The following JPH3 variants were observed in gnomAD, a reference collection of about 807,000 sequenced individuals.
JPH3 encodes the protein junctophilin 3, also known as junctophilin-3.
A neutral mutation model predicts 59.6 loss-of-function variants in JPH3; 11 were observed. The ratio of observed to expected loss-of-function variants is 0.18; its 90% CI spans 0.12 to 0.31. The LOEUF (loss-of-function observed/expected upper bound fraction) is 0.31. Among genes scored for constraint, JPH3 ranks in the 10% least tolerant of loss-of-function variants. JPH3 has a pLI of 1.00. For synonymous variants in JPH3, 673 were observed against 483.6 expected (o/e 1.39, Z -5.14); for missense variants, 1,202 against 1,105.7 (o/e 1.09, Z -1.24).
At chr16:87,687,211 AGTC>A (rs894471195) in intron 3 of JPH3, among the ~76,000 whole-genome samples, 5 of 152,300 alleles carry the variant, frequency 3.3e-5, no homozygotes, top group African/African-American at 9.6e-5. Flanking sequence ...GTCCTTCCTC[AGTC>A]GTCCTCACAG....
At chr16:87,609,999 C>G (rs2562060) in intron 1 of JPH3, among the ~76,000 whole-genome samples, 2 of 151,986 alleles carry the variant, frequency 1.3e-5, no homozygotes, top group Non-Finnish European at 2.9e-5. Flanking sequence ...TACAACTAGA[C>G]GGTCTCATCT....
rs1275140147 is a variant in JPH3, at chr16:87,675,724, G to C, written c.1161-8418G>C. Among the ~76,000 whole-genome samples, 8 of 152,300 alleles carry C rather than the reference G, an allele frequency of 5.3e-5. No individual in the cohort carries two copies. In the East Asian group the frequency reaches 1.5e-3, roughly 29 times the overall value. On this transcript the variant is annotated intron_variant, in intron 2 of 4. Coordinates refer to ENST00000284262, the MANE Select transcript of JPH3 (RefSeq NM_020655.4). ...GACTCCACAGTGAAGGTTTAAAGGT[G>C]GTCCCAGCTGCAGCAGGAAGCAGGT...
chr16:87,668,603 A>C, intron 2 of JPH3, among the ~76,000 whole-genome samples: 1 of 152,196 alleles, frequency 6.6e-6, no homozygotes, highest in Admixed American at 6.5e-5. Flanking sequence ...TGGGAATTAA[A>C]TGAGCTGAGC....
Position 87,615,666 on chromosome 16 carries a change from C to T in JPH3, c.382+12138C>T, listed in dbSNP as rs183876292. ...CTGTGCGCATCTGGGTCGCCTGACC[C>T]GGCCTCCCTGACCCGGGCTGCCCAG... On this transcript the variant is annotated intron_variant, in intron 1 of 4. Transcript: ENST00000284262. Among the ~76,000 whole-genome samples the T allele has an allele frequency of 4.7e-3, 715 of 152,322 alleles. 4 individuals are homozygous for T. The highest frequency in any genetic ancestry group is 7.7e-3 in the Non-Finnish European group (524 of 68,028).
chr16:87,675,504 G>C (rs987079233), intron 2 of JPH3, among the ~76,000 whole-genome samples: 1 of 152,202 alleles, frequency 6.6e-6, no homozygotes, highest in African/African-American at 2.4e-5. Context: ...GCGGGCAGAT[G>C]AGCCCAGCAG....
At chr16:87,637,534 G>A (rs574337722) in intron 1 of JPH3, among the ~76,000 whole-genome samples, 1 of 152,142 alleles carries the variant, frequency 6.6e-6, no homozygotes, top group Non-Finnish European at 1.5e-5. Context: ...TCTGACCCCC[G>A]GAGTCATGGG....
chr16:87,684,751 C>T (rs565123242), intron 3 of JPH3, among the ~76,000 whole-genome samples: 43 of 152,354 alleles, frequency 2.8e-4, no homozygotes, highest in African/African-American at 1.0e-3. Flanking sequence ...GACAGCGTCA[C>T]AAATGGCAGC....
intron 1 of JPH3, chr16:87,604,721 A>G (rs1355130903): frequency 8.8e-6 from 9 of 1,024,938 alleles, no homozygotes; most frequent in Non-Finnish European, 1.1e-5. Context: ...CAGGAGTGGC[A>G]GGGGGCTGGA....
In JPH3 at chr16:87,689,739, T is replaced by A; in HGVS notation, c.1379T>A (p.Leu460Gln). ...GTPLQQESPE[L>Q]YRKGTTPSDL... is the part of the protein sequence containing the mutation. Reference sequence around the variant, plus strand: ...CCCCTGCAGCAGGAGAGCCCCGAGCTGTACCGCAAGGGCACCACTCCCTCC... The same window carrying A: ...CCCCTGCAGCAGGAGAGCCCCGAGCAGTACCGCAAGGGCACCACTCCCTCC... The change falls in exon 4 of 5, where the codon CTG (leucine) becomes CAG (glutamine). Residue 460 changes from leucine to glutamine, a missense_variant. Physicochemically the swap from Leu to Gln is moderately radical, Grantham distance 113 (BLOSUM62 -2). Transcript: ENST00000284262. 1.2e-6 allele frequency: 2 copies of A among 1,612,314 alleles called. No homozygotes were observed. Among genetic ancestry groups the A allele is most frequent in the Non-Finnish European group, 8.5e-7 (1 of 1,179,772 alleles).
rs1278404253 is a variant in JPH3 at position 87,672,392 on chromosome 16, C to G, written c.1161-11750C>G. The stretch of plus-strand genomic sequence containing the variant: ...ACCCCCGCTGAGGGTGGTAAACACC[C>G]CAGCCGCGCCCTTGGCAGGGGTTCC... On this transcript the variant is annotated intron_variant, in intron 2 of 4. Coordinates refer to ENST00000284262, the MANE Select transcript of JPH3 (RefSeq NM_020655.4). 1.3e-5 allele frequency among the ~76,000 whole-genome samples: 2 copies of G among 152,230 alleles called. 1 individual carries two copies. Among genetic ancestry groups the G allele is most frequent in the East Asian group, 3.9e-4 (2 of 5,190 alleles).
intron 2 of JPH3, among the ~76,000 whole-genome samples, chr16:87,647,132 G>C (rs1490253638): frequency 1.3e-5 from 2 of 152,232 alleles, no homozygotes; most frequent in South Asian, 2.1e-4. Context: ...TGGGGTTTTG[G>C]GGGGCCCAGG....
At chr16:87,620,768 C>T (rs945547947) in intron 1 of JPH3, among the ~76,000 whole-genome samples, 1 of 152,242 alleles carries the variant, frequency 6.6e-6, no homozygotes, top group Non-Finnish European at 1.5e-5. Flanking sequence ...CAAGGCCACA[C>T]GGTTCTGCTG....
chr16:87,642,185 C>G (rs1106946), intron 1 of JPH3, among the ~76,000 whole-genome samples: 57,679 of 147,550 alleles, frequency 0.39, 11,148 homozygotes, highest in Admixed American at 0.47. Context: ...GAATTCCACA[C>G]TTAGTTTGGA....
chr16:87,661,483 C>T (rs1459073607), intron 2 of JPH3, among the ~76,000 whole-genome samples: 2 of 152,388 alleles, frequency 1.3e-5, no homozygotes, highest in South Asian at 2.1e-4. Context: ...GCCTCCCGCT[C>T]TGAGCATGGG....
intron 2 of JPH3, among the ~76,000 whole-genome samples, chr16:87,663,259 C>T (rs145570576): frequency 1.0e-3 from 159 of 152,236 alleles, no homozygotes; most frequent in African/African-American, 3.6e-3. Flanking sequence ...CAGGCCTGTG[C>T]CACGTGTCCA....
intron 1 of JPH3, among the ~76,000 whole-genome samples, chr16:87,610,766 G>C (rs1213571032): frequency 6.6e-6 from 1 of 152,216 alleles, no homozygotes; most frequent in Non-Finnish European, 1.5e-5. Context: ...ATATGAGAAA[G>C]ATGATGGTGT....
chr16:87,636,671 A>G (rs987340190), intron 1 of JPH3, among the ~76,000 whole-genome samples: 8 of 152,144 alleles, frequency 5.3e-5, no homozygotes, highest in Non-Finnish European at 7.3e-5. Context: ...TTTCTTACTG[A>G]TATCAGTTAT....
chr16:87,612,978 AT>A (rs1412950085), intron 1 of JPH3, among the ~76,000 whole-genome samples: 1 of 151,520 alleles, frequency 6.6e-6, no homozygotes, highest in Admixed American at 6.6e-5. Flanking sequence ...GTGAGCCAAG[AT>A]AGCGCCCCTG....
chr16:87,630,296 G>A (rs1362602902), intron 1 of JPH3, among the ~76,000 whole-genome samples: 21 of 152,238 alleles, frequency 1.4e-4, no homozygotes, highest in Admixed American at 1.3e-3. Flanking sequence ...GTCTGCAAAC[G>A]GTGCTTTTGG....
Sources: gnomAD v4.1 joint callset for allele counts (sites outside exome capture counted in the v4.1 genomes callset) on GRCh38, gnomAD v4.1.1 for gene constraint, MANE v1.5 for transcripts, NCBI Gene and HGNC (gene_info 2026-07-23, HGNC 2026-07-21) for gene names.